KNOP1: variants seen among roughly 807,000 people sequenced by gnomAD.
KNOP1 encodes lysine-rich nucleolar protein 1.
A neutral mutation model predicts 30.6 loss-of-function variants in KNOP1; 20 were observed. The observed-to-expected ratio is 0.65, with a 90% CI of 0.46 to 0.95. The LOEUF is 0.95. KNOP1 is among the 40% of genes least tolerant of loss of function. KNOP1 has a pLI of 0.00. For missense variants in KNOP1, 540 were observed against 562.0 expected, an observed-to-expected ratio of 0.96 and a Z score of 0.40; for synonymous variants, 204 against 210.0, an observed-to-expected ratio of 0.97 and a Z score of 0.25.
At chr16:19,717,908 A>G (rs1977266446) in intron 1 of KNOP1, 23 of 1,092,876 alleles carry the variant, frequency 2.1e-5, no homozygotes, top group South Asian at 5.2e-5. Flanking sequence ...CGTACCTCCA[A>G]GGCTCCCATG....
chr16:19,711,487 G>A, intron 2 of KNOP1, 47 bp from the exon 3 acceptor site: 4 of 1,578,116 alleles, frequency 2.5e-6, no homozygotes, highest in Non-Finnish European at 3.5e-6. Flanking sequence ...TACAATGAAT[G>A]GCCTCTGCCT....
intron 3 of KNOP1, 55 bp downstream of exon 3, chr16:19,711,317 A>T (rs1976706946): frequency 1.9e-6 from 3 of 1,562,266 alleles, no homozygotes; most frequent in Non-Finnish European, 2.6e-6. Flanking sequence ...AGCAAGTGAG[A>T]CTCCAAGGGT....
At position 19,711,363 on chromosome 16, in the gene KNOP1, G is replaced by A. The variant is rs1976710838; in HGVS notation, c.987+9C>T. 1.2e-6 allele frequency: 2 copies of A among 1,613,616 alleles called. No homozygotes were observed. Among genetic ancestry groups the A allele is most frequent in the African/African-American group, 1.3e-5 (1 of 74,920 alleles). Reference sequence around the variant, plus strand: ...AGCGGGAGGGGCCTGAGGAGGGTCTGGGCTGTACCTGGTCTATGTGCGCCT... The same window carrying A: ...AGCGGGAGGGGCCTGAGGAGGGTCTAGGCTGTACCTGGTCTATGTGCGCCT... On this transcript the variant is annotated intron_variant, in intron 3 of 4. Coordinates refer to ENST00000219837, the MANE Select transcript of KNOP1 (RefSeq NM_001012991.3).
intron 4 of KNOP1, among the ~76,000 whole-genome samples, chr16:19,710,061 C>T (rs1223360245): frequency 6.6e-6 from 1 of 152,164 alleles, no homozygotes; most frequent in Non-Finnish European, 1.5e-5. Context: ...CCTGAGAGAT[C>T]TTCTCAGGCC....
At chr16:19,717,950 G>A (rs944471541) in intron 1 of KNOP1, 8 of 1,224,638 alleles carry the variant, frequency 6.5e-6, no homozygotes, top group East Asian at 5.4e-5. Context: ...AGACTGGGAG[G>A]GATTACGTGG....
chr16:19,714,063 C>T, intron 2 of KNOP1, 55 bp downstream of exon 2: 1 of 1,518,214 alleles, frequency 6.6e-7, no homozygotes, highest in Non-Finnish European at 8.9e-7. Flanking sequence ...ACACCCCTCC[C>T]AAACCCCACC....
At position 19,714,594 on chromosome 16, in the gene KNOP1, G is replaced by A. The variant is rs1293500693; in HGVS notation, c.442C>T (p.Leu148Phe). Residue 148 changes from leucine (L) to phenylalanine (F), a missense_variant, in exon 2 of 5, where the codon CTC (leucine) becomes TTC (phenylalanine). By Grantham distance (22) the Leu-to-Phe change is conservative (BLOSUM62 0). Transcript: ENST00000219837. ...TTTTTTTCCTTCTTGTGTTTTTTGAGCTTCTTGCCAACTCTGGTTTCCTCC... is the reference window on the plus strand; with the variant it reads ...TTTTTTTCCTTCTTGTGTTTTTTGAACTTCTTGCCAACTCTGGTTTCCTCC... ...GEEETRVGKK[L>F]KKHKKEKKGA... The A allele has an allele frequency of 4.3e-6, 7 of 1,613,998 alleles. No individual in the cohort carries two copies. Among genetic ancestry groups the A allele is most frequent in the Admixed American group, 3.3e-5 (2 of 60,008 alleles).
intron 4 of KNOP1, among the ~76,000 whole-genome samples, chr16:19,709,837 C>T (rs565934030): frequency 3.1e-4 from 47 of 152,210 alleles, no homozygotes; most frequent in Non-Finnish European, 6.0e-4. Context: ...GCTACTGCCA[C>T]CTCAACTGAT....
At chr16:19,715,437 C>T (rs1198346714) in intron 1 of KNOP1, 1 of 126,330 alleles carries the variant, frequency 7.9e-6, no homozygotes, top group Non-Finnish European at 1.6e-5. Flanking sequence ...TTTTTTGAGA[C>T]AGAGTCTTGC....
chr16:19,704,626 C>A lies in KNOP1; in HGVS notation c.*2284G>T, dbSNP rs1395668256. The A allele has an allele frequency of 1.3e-5, 2 of 152,334 alleles. No homozygotes were observed. Among genetic ancestry groups the A allele is most frequent in the Non-Finnish European group, 2.9e-5 (2 of 68,174 alleles). The allele number at this position is 152,334 out of a possible 1,614,324, so 9.4% of individuals were successfully genotyped here. A position where few individuals can be genotyped will look rare whatever the true frequency, so the allele number is the denominator to read the frequency against. On this transcript the variant is annotated 3_prime_UTR_variant, in exon 5 of 5. Coordinates refer to ENST00000219837, the MANE Select transcript of KNOP1 (RefSeq NM_001012991.3). ...ACGAACGGCTGGTTCCTGTTTACAC[C>A]AGGCACATTCCTGTAGTGTTGCTCA...
In KNOP1 at chr16:19,714,586, T is replaced by C; in HGVS notation, c.450A>G (p.Lys150=). ...GGGCCCCCTTTTTTTCCTTCTTGTGTTTTTTGAGCTTCTTGCCAACTCTGG... is the reference window on the plus strand; with the variant it reads ...GGGCCCCCTTTTTTTCCTTCTTGTGCTTTTTGAGCTTCTTGCCAACTCTGG... The part of the protein sequence containing the change: ...EETRVGKKLK[K]HKKEKKGAQD... Residue 150 remains lysine (K), a synonymous_variant, in exon 2 of 5, where the codon AAA becomes AAG. Coordinates refer to ENST00000219837, the MANE Select transcript of KNOP1 (RefSeq NM_001012991.3). 6.2e-7 allele frequency: 1 copy of C among 1,614,086 alleles called. No individual in the cohort carries two copies. Among genetic ancestry groups the C allele is most frequent in the Non-Finnish European group, 8.5e-7 (1 of 1,180,020 alleles).
chr16:19,712,736 G>A (rs892940573), intron 2 of KNOP1, among the ~76,000 whole-genome samples: 7 of 152,336 alleles, frequency 4.6e-5, no homozygotes, highest in South Asian at 2.1e-4. Context: ...CCGGCCACAC[G>A]GAAGGGCCGG....
rs192519535 is a variant in KNOP1 at position 19,703,195 on chromosome 16, C to T, written c.*3715G>A. On this transcript the variant is annotated 3_prime_UTR_variant, in exon 5 of 5. Transcript: ENST00000219837. ...AAATTAAGGCATCAGCAGGGCTACG[C>T]TCCTTCTGGGAGGCTCTAGGGGAGA... The T allele has an allele frequency of 1.3e-5, 2 of 152,238 alleles. No homozygotes were observed. The highest frequency in any genetic ancestry group is 2.9e-5 in the Non-Finnish European group (2 of 68,074). The allele number at this position is 152,238 out of a possible 1,614,324, so 9.4% of individuals were successfully genotyped here.
chr16:19,707,138 G>A lies in KNOP1; in HGVS notation c.1149C>T (p.Phe383=), dbSNP rs758652987. The part of the protein sequence containing the change: ...KLKFLRLMGG[F]KNLSPSFSRP... ...GGCTGAACGAAGGGGACAGGTTTTT[G>A]AAGCCACCCATAAGTCTGAGAAATT... The change falls in exon 5 of 5, where the codon TTC becomes TTT. Residue 383 remains phenylalanine, a synonymous_variant. Transcript: ENST00000219837. 3.7e-6 allele frequency: 6 copies of A among 1,613,982 alleles called. No homozygotes were observed. The African/African-American group carries it at 8.0e-5, about 22-fold the overall frequency.
At position 19,704,999 on chromosome 16, in the gene KNOP1, C is replaced by G. The variant is rs1976301301; in HGVS notation, c.*1911G>C. ...CTTCTTGACTGAAGGGAATCACCAG[C>G]CTTCCCATGACAGGGGCGGGTGCAG... On this transcript the variant is annotated 3_prime_UTR_variant, in exon 5 of 5. Transcript: ENST00000219837. 2 of 357,394 alleles carry G rather than the reference C, an allele frequency of 5.6e-6. No individual in the cohort carries two copies. Among genetic ancestry groups the G allele is most frequent in the South Asian group, 2.2e-5 (1 of 46,114 alleles). 22.1% of individuals were successfully genotyped at this position (357,394 alleles called of 1,614,324 possible).
In KNOP1 at chr16:19,707,069, C is replaced by A. The variant is rs1344800624; in HGVS notation, c.1218G>T (p.Lys406Asn). 4 of 1,614,186 alleles carry A rather than the reference C, an allele frequency of 2.5e-6. No individual in the cohort carries two copies. Among genetic ancestry groups the A allele is most frequent in the Non-Finnish European group, 3.4e-6 (4 of 1,180,036 alleles). The change falls in exon 5 of 5, where the codon AAG (lysine) becomes AAT (asparagine). Residue 406 changes from lysine (K) to asparagine (N), a missense_variant. Lys to Asn is a moderately conservative substitution (Grantham distance 94, BLOSUM62 0). Transcript: ENST00000219837. The stretch of plus-strand genomic sequence containing the variant: ...TCTGCTGCAGGCTGTCAGCCGCCTT[C>A]TTGCCGAGGGCCATGTTGGGCCTTG... ...TIARPNMALG[K>N]KAADSLQQNL...
chr16:19,715,718 G>C (rs1041427013), intron 1 of KNOP1, among the ~76,000 whole-genome samples: 1 of 152,070 alleles, frequency 6.6e-6, no homozygotes, highest in African/African-American at 2.4e-5. Context: ...ACCTTGCCTG[G>C]CCTAGTTCCA....
rs2151640089 is a variant in KNOP1 at position 19,706,023 on chromosome 16, A to C, written c.*887T>G. 6.6e-6 allele frequency: 1 copy of C among 152,422 alleles called. No homozygotes were observed. The highest frequency in any genetic ancestry group is 2.1e-4 in the South Asian group (1 of 4,826). 9.4% of individuals were successfully genotyped at this position (152,422 alleles called of 1,614,324 possible). ...CCTCAGCACTTAGGGCCGAAGGGAC[A>C]CCAGTGGAAAAGGCAGGACTGGTTT... On this transcript the variant is annotated 3_prime_UTR_variant, in exon 5 of 5. Transcript: ENST00000219837.
Position 19,714,549 on chromosome 16 carries a change from C to A in KNOP1, c.487G>T (p.Ala163Ser). The A allele has an allele frequency of 1.2e-6, 2 of 1,614,198 alleles. No individual in the cohort carries two copies. The highest frequency in any genetic ancestry group is 1.7e-6 in the Non-Finnish European group (2 of 1,180,038). ...KEKKGAQDPT[A>S]FSVQDPWFCE... is the part of the protein sequence containing the mutation. ...AACCAAGGGTCCTGGACCGAGAAGG[C>A]TGTGGGGTCCTGGGCCCCCTTTTTT... is the stretch of plus-strand genomic sequence containing the variant. The change falls in exon 2 of 5, where the codon GCC becomes TCC. Residue 163 changes from alanine to serine, a missense_variant. Coordinates refer to ENST00000219837, the MANE Select transcript of KNOP1 (RefSeq NM_001012991.3).
Sources: gnomAD v4.1 joint callset for allele counts (sites outside exome capture counted in the v4.1 genomes callset) on GRCh38, gnomAD v4.1.1 for gene constraint, MANE v1.5 for transcripts, NCBI Gene and HGNC (gene_info 2026-07-23, HGNC 2026-07-21) for gene names.